Variants in BAZ2B observed in about 807,000 individuals in gnomAD.
BAZ2B encodes bromodomain adjacent to zinc finger domain protein 2B.
A neutral mutation model predicts 246.0 loss-of-function variants in BAZ2B; 91 were observed. The ratio of observed to expected loss-of-function variants is 0.37; its 90% CI spans 0.31 to 0.44. The LOEUF is 0.44. Ranked by LOEUF, BAZ2B falls within the 20% of genes least tolerant of loss-of-function variation. The pLI, the probability that BAZ2B is intolerant of heterozygous loss-of-function variation, is 1.00. For missense variants in BAZ2B, 2,332 were observed against 2,533.7 expected, an observed-to-expected ratio of 0.92 and a Z score of 1.71; for synonymous variants, 855 against 860.0, an observed-to-expected ratio of 0.99 and a Z score of 0.10.
chr2:159,332,793 C>T (rs757609995), intron 33 of BAZ2B, 107 bp from the exon 34 acceptor site: 280 of 1,276,084 alleles, frequency 2.2e-4, no homozygotes, highest in East Asian at 3.0e-4. Context: ...ATGAACATTC[C>T]GCTTGCTTAC....
chr2:159,455,762 GGT>G (rs1491185361), intron 3 of BAZ2B, among the ~76,000 whole-genome samples: 3,547 of 97,168 alleles, frequency 0.037, 24 homozygotes, highest in South Asian at 0.072. Context: ...GAAATATTGT[GGT>G]TTTTTTTTTT....
chr2:159,566,160 C>T (rs1682523486), intron 1 of BAZ2B, among the ~76,000 whole-genome samples: 1 of 152,070 alleles, frequency 6.6e-6, no homozygotes, highest in Non-Finnish European at 1.5e-5. Context: ...TACAGGCATG[C>T]ACCACCACGT....
intron 33 of BAZ2B, 118 bp from the exon 34 acceptor site, chr2:159,332,804 A>G: frequency 8.6e-7 from 1 of 1,166,648 alleles, no homozygotes; most frequent in Non-Finnish European, 1.2e-6. Flanking sequence ...GCTTGCTTAC[A>G]AATATACAGT....
At chr2:159,566,367 T>C (rs1682592774) in intron 1 of BAZ2B, among the ~76,000 whole-genome samples, 2 of 152,224 alleles carry the variant, frequency 1.3e-5, no homozygotes, top group East Asian at 1.9e-4. Context: ...ATACATGCAG[T>C]TGCATAGTGT....
chr2:159,608,201 C>G (rs982461492), intron 1 of BAZ2B, among the ~76,000 whole-genome samples: 1 of 152,048 alleles, frequency 6.6e-6, no homozygotes, highest in Non-Finnish European at 1.5e-5. Flanking sequence ...ATGCTAAAAC[C>G]CCGTCTCTAC....
chr2:159,390,891 T>C lies in BAZ2B; in HGVS notation c.3076-1406A>G, dbSNP rs556400080. Among the ~76,000 whole-genome samples the C allele has an allele frequency of 3.3e-5, 5 of 152,306 alleles. No homozygotes were observed. In the East Asian group the frequency reaches 9.6e-4, roughly 29 times the overall value. ...AACTATAAGGAAGCTTATAAGATTG[T>C]TGACACCAGCAAAGTTCTATAATTA... On this transcript the variant is annotated intron_variant, in intron 20 of 36. Transcript: ENST00000392783.
At chr2:159,316,414 C>T (rs1054166012), downstream of BAZ2B, among the ~76,000 whole-genome samples, 5 of 151,990 alleles carry the variant, frequency 3.3e-5, no homozygotes, top group Non-Finnish European at 7.4e-5. Context: ...GTGGCTTGGC[C>T]GGGCGCGGTG....
chr2:159,480,635 A>G (rs2079130231), intron 2 of BAZ2B, among the ~76,000 whole-genome samples: 1 of 152,090 alleles, frequency 6.6e-6, no homozygotes, highest in South Asian at 2.1e-4. Flanking sequence ...AGTGATATAT[A>G]CAACGTTGTT....
intron 4 of BAZ2B, among the ~76,000 whole-genome samples, chr2:159,451,304 A>G (rs1192020888): frequency 6.6e-6 from 1 of 152,206 alleles, no homozygotes; most frequent in African/African-American, 2.4e-5. Flanking sequence ...ATTTAATCTG[A>G]AATGCATAAT....
chr2:159,433,044 C>T lies in BAZ2B; in HGVS notation c.1613G>A (p.Ser538Asn), dbSNP rs779131499. ...GCCAGGGGTTCTTCTCCCACTTGTA[C>T]TCAGATTTACAGGTGAGGAAAAAGG... ...STPFSSPVNL[S>N]TSGRRTPGNQ... Residue 538 changes from serine (S) to asparagine (N), a missense_variant, in exon 9 of 37, where the codon AGT (serine) becomes AAT (asparagine). Ser to Asn is a conservative substitution (Grantham distance 46, BLOSUM62 1). Transcript: ENST00000392783. 1.1e-5 allele frequency: 17 copies of T among 1,614,074 alleles called. No homozygotes were observed. The highest frequency in any genetic ancestry group is 1.1e-5 in the Non-Finnish European group (13 of 1,180,042).
the BAZ2B span, among the ~76,000 whole-genome samples, chr2:159,663,113 T>C: frequency 1.3e-5 from 2 of 152,176 alleles, no homozygotes; most frequent in East Asian, 3.8e-4. Context: ...GGTGGTCTTT[T>C]ACCTTTTTGA....
intron 1 of BAZ2B, among the ~76,000 whole-genome samples, chr2:159,580,947 C>A (rs1263025113): frequency 1.3e-5 from 2 of 152,114 alleles, no homozygotes; most frequent in Non-Finnish European, 2.9e-5. Context: ...AATGTCAGAC[C>A]TAAAATCATA....
chr2:159,502,522 T>C (rs541882925), intron 2 of BAZ2B, among the ~76,000 whole-genome samples: 41 of 151,688 alleles, frequency 2.7e-4, no homozygotes, highest in African/African-American at 9.7e-4. Context: ...TGGTCCCAGA[T>C]TCTTGGGAGG....
chr2:159,666,572 TA>T, the BAZ2B span, among the ~76,000 whole-genome samples: 1 of 152,098 alleles, frequency 6.6e-6, no homozygotes, highest in Non-Finnish European at 1.5e-5. Flanking sequence ...TTCATACTTT[TA>T]AAATTCTAAG....
At chr2:159,424,703 A>T (rs1442218998) in intron 13 of BAZ2B, among the ~76,000 whole-genome samples, 1 of 152,190 alleles carries the variant, frequency 6.6e-6, no homozygotes, top group African/African-American at 2.4e-5. Context: ...TATGAATACC[A>T]GTATCTGCAG....
chr2:159,429,475 G>A (rs2150147796), intron 10 of BAZ2B, among the ~76,000 whole-genome samples: 1 of 152,066 alleles, frequency 6.6e-6, no homozygotes, highest in South Asian at 2.1e-4. Context: ...AGGATAACTA[G>A]TTTTTCTCTC....
At chr2:159,656,996 C>T in the BAZ2B span, among the ~76,000 whole-genome samples, 1 of 151,916 alleles carries the variant, frequency 6.6e-6, no homozygotes, top group African/African-American at 2.4e-5. Flanking sequence ...TAATCTTGTA[C>T]AACTTACCAA....
the BAZ2B span, among the ~76,000 whole-genome samples, chr2:159,623,338 C>T: frequency 6.6e-6 from 1 of 151,908 alleles, no homozygotes; most frequent in Non-Finnish European, 1.5e-5. Context: ...CACTGCATTA[C>T]AGCCTGGGCA....
At chr2:159,317,416 T>A (rs2062233781), downstream of BAZ2B, among the ~76,000 whole-genome samples, 1 of 152,212 alleles carries the variant, frequency 6.6e-6, no homozygotes, top group African/African-American at 2.4e-5. Flanking sequence ...GCATTTATGG[T>A]TAATTTACTT....
Sources: allele counts gnomAD v4.1 joint callset (sites outside exome capture counted in the v4.1 genomes callset), GRCh38; gene constraint gnomAD v4.1.1; transcripts MANE v1.5; gene names NCBI Gene and HGNC (gene_info 2026-07-23, HGNC 2026-07-21).